Variants in CLSTN2 observed in about 807,000 individuals in gnomAD.
CLSTN2 encodes calsyntenin 2, also known as calsyntenin-2.
A neutral mutation model predicts 101.2 loss-of-function variants in CLSTN2; 48 were observed. The ratio of observed to expected loss-of-function variants is 0.47; its 90% CI spans 0.38 to 0.60. CLSTN2 has a LOEUF of 0.60. Ranked by LOEUF, CLSTN2 falls within the 20% of genes least tolerant of loss-of-function variation. The pLI is 0.00. For synonymous variants in CLSTN2, 481 were observed against 463.6 expected (o/e 1.04, Z -0.48); for missense variants, 1,160 against 1,238.2 (o/e 0.94, Z 0.95).
At chr3:140,406,375 TAAG>T (rs1298655458) in intron 4 of CLSTN2, among the ~76,000 whole-genome samples, 3 of 152,000 alleles carry the variant, frequency 2.0e-5, no homozygotes, top group Non-Finnish European at 4.4e-5. Flanking sequence ...AAAATAATAA[TAAG>T]GTAATTTCCC....
At chr3:140,406,976 A>G (rs969609449) in intron 4 of CLSTN2, among the ~76,000 whole-genome samples, 8 of 152,250 alleles carry the variant, frequency 5.3e-5, no homozygotes, top group East Asian at 1.9e-4. Context: ...TGTCTCATTA[A>G]AAGTGAGTAA....
At chr3:140,124,742 A>T (rs2009402792) in intron 1 of CLSTN2, among the ~76,000 whole-genome samples, 1 of 152,124 alleles carries the variant, frequency 6.6e-6, no homozygotes, top group South Asian at 2.1e-4. Flanking sequence ...AATATTCAGA[A>T]CTCAATCTTA....
intron 1 of CLSTN2, among the ~76,000 whole-genome samples, chr3:140,044,106 A>T (rs1318353603): frequency 6.6e-6 from 1 of 152,178 alleles, no homozygotes; most frequent in Non-Finnish European, 1.5e-5. Context: ...TTGAATCTAT[A>T]AATTACCTTG....
At chr3:140,343,236 G>A (rs959887395) in intron 2 of CLSTN2, among the ~76,000 whole-genome samples, 14 of 152,152 alleles carry the variant, frequency 9.2e-5, no homozygotes, top group African/African-American at 2.7e-4. Context: ...AGAGTGAAAC[G>A]AAAACTACCC....
At chr3:140,308,758 GTCT>G (rs1559834968) in intron 2 of CLSTN2, among the ~76,000 whole-genome samples, 21 of 152,194 alleles carry the variant, frequency 1.4e-4, no homozygotes, top group Admixed American at 3.3e-4. Flanking sequence ...CAGAAGCACA[GTCT>G]TCACTCCAGT....
At chr3:140,303,879 G>T (rs992412399) in intron 2 of CLSTN2, among the ~76,000 whole-genome samples, 7 of 151,746 alleles carry the variant, frequency 4.6e-5, no homozygotes, top group African/African-American at 1.7e-4. Context: ...CACTGGGAGG[G>T]CCTGCAGCTT....
Position 140,562,314 on chromosome 3 carries a change from G to GC in CLSTN2, c.2212+8dup, listed in dbSNP as rs1253708933. 6.2e-7 allele frequency: 1 copy of GC among 1,609,292 alleles called. No individual in the cohort carries two copies. The highest frequency in any genetic ancestry group is 1.1e-5 in the South Asian group (1 of 90,640). On this transcript the variant is annotated splice_region_variant and intron_variant, in intron 13 of 16. Coordinates refer to ENST00000458420, the MANE Select transcript of CLSTN2 (RefSeq NM_022131.3). ...TGCAGGCTACTCCATCTACGGTAAGGCCACACTCAGCCCCCTTTGCCCCAA... is the reference window on the plus strand; with the variant it reads ...TGCAGGCTACTCCATCTACGGTAAGGCCCACACTCAGCCCCCTTTGCCCCAA...
At chr3:140,432,581 T>C (rs555962628) in intron 5 of CLSTN2, among the ~76,000 whole-genome samples, 90 of 152,286 alleles carry the variant, frequency 5.9e-4, no homozygotes, top group African/African-American at 2.0e-3. Flanking sequence ...AATAACGACC[T>C]GTTTTGACAT....
At chr3:140,023,202 G>A (rs2007353734) in intron 1 of CLSTN2, among the ~76,000 whole-genome samples, 1 of 152,160 alleles carries the variant, frequency 6.6e-6, no homozygotes, top group Non-Finnish European at 1.5e-5. Context: ...TGTCTTGCAG[G>A]TGGAAGTCAC....
intron 2 of CLSTN2, among the ~76,000 whole-genome samples, chr3:140,216,429 T>C (rs953979902): frequency 6.6e-6 from 1 of 152,166 alleles, no homozygotes; most frequent in Non-Finnish European, 1.5e-5. Flanking sequence ...CATTCCACTG[T>C]CTACCCTCTG....
rs144563268 is a variant in CLSTN2, at chr3:140,490,750, C to A, written c.1344+24019C>A. Among the ~76,000 whole-genome samples the A allele has an allele frequency of 3.9e-4, 60 of 152,272 alleles. 3 individuals are homozygous for A. The East Asian group carries it at 0.011, about 27-fold the overall frequency. ...ATAGGCTGAACATTGATACTACGATCTGCTCAGTAACGAGGAGCAGACCCC... is the reference window on the plus strand; with the variant it reads ...ATAGGCTGAACATTGATACTACGATATGCTCAGTAACGAGGAGCAGACCCC... On this transcript the variant is annotated intron_variant, in intron 8 of 16. Transcript: ENST00000458420.
chr3:140,304,489 G>A (rs1480990374), intron 2 of CLSTN2, among the ~76,000 whole-genome samples: 3 of 152,146 alleles, frequency 2.0e-5, no homozygotes, highest in Non-Finnish European at 4.4e-5. Flanking sequence ...AGCAAGCTCT[G>A]ATCTATCTTC....
At chr3:140,496,823 C>G (rs1934476061) in intron 8 of CLSTN2, among the ~76,000 whole-genome samples, 1 of 152,106 alleles carries the variant, frequency 6.6e-6, no homozygotes, top group Non-Finnish European at 1.5e-5. Context: ...AGCAGTCTAG[C>G]CGGGCGCGGT....
At chr3:140,530,030 G>A (rs1180008583) in intron 8 of CLSTN2, among the ~76,000 whole-genome samples, 3 of 152,130 alleles carry the variant, frequency 2.0e-5, no homozygotes, top group Non-Finnish European at 4.4e-5. Flanking sequence ...TATGTATCAA[G>A]AGTCTTAAAA....
intron 2 of CLSTN2, among the ~76,000 whole-genome samples, chr3:140,284,666 G>A (rs2107898973): frequency 6.6e-6 from 1 of 152,220 alleles, no homozygotes; most frequent in South Asian, 2.1e-4. Flanking sequence ...AAACCTCTGA[G>A]TGAAACAGCT....
chr3:140,532,550 G>A, intron 9 of CLSTN2, 64 bp downstream of exon 9: 1 of 1,404,658 alleles, frequency 7.1e-7, no homozygotes, highest in Non-Finnish European at 9.5e-7. Flanking sequence ...GATACTTGTA[G>A]AGAAAAAGGA....
intron 5 of CLSTN2, among the ~76,000 whole-genome samples, chr3:140,446,500 G>C (rs1933081759): frequency 6.6e-6 from 1 of 152,140 alleles, no homozygotes; most frequent in African/African-American, 2.4e-5. Context: ...ATGTATCAAA[G>C]TTGTGATGCA....
chr3:140,320,900 G>A (rs770690346), intron 2 of CLSTN2, among the ~76,000 whole-genome samples: 7 of 152,238 alleles, frequency 4.6e-5, no homozygotes, highest in South Asian at 4.1e-4. Context: ...AGTTTGTTAC[G>A]TTGGCTTGTT....
At chr3:140,141,504 G>A (rs2009696987) in intron 1 of CLSTN2, among the ~76,000 whole-genome samples, 2 of 152,174 alleles carry the variant, frequency 1.3e-5, no homozygotes, top group South Asian at 4.1e-4. Context: ...TTGAGTTTTT[G>A]GAAAGCCAGC....
Sources: gnomAD v4.1 joint callset for allele counts (sites outside exome capture counted in the v4.1 genomes callset) on GRCh38, gnomAD v4.1.1 for gene constraint, MANE v1.5 for transcripts, NCBI Gene and HGNC (gene_info 2026-07-23, HGNC 2026-07-21) for gene names.